Variants in PTPRN2 observed in about 807,000 individuals in gnomAD.
The protein encoded by PTPRN2 is receptor-type tyrosine-protein phosphatase N2.
PTPRN2 carries 74 observed loss-of-function variants against 118.8 expected under a neutral mutation model. The ratio of observed to expected loss-of-function variants is 0.62; its 90% confidence interval spans 0.52 to 0.76. PTPRN2 has a LOEUF of 0.76. Among genes scored for constraint, PTPRN2 ranks in the 30% least tolerant of loss-of-function variants. The pLI is 0.00. For synonymous variants in PTPRN2, 641 were observed against 608.0 expected (o/e 1.05, Z -0.80); for missense variants, 1,481 against 1,394.4 (o/e 1.06, Z -0.99).
In PTPRN2 at chr7:157,829,724, C is replaced by T. The variant is rs571669529; in HGVS notation, c.1788+68949G>A. On this transcript the variant is annotated intron_variant, in intron 12 of 22. Transcript: ENST00000389418. ...CCAAGTGGCTGCCCCAGCACCACCCCGTCCAGAGGGCCGGGAGAGCAGCCG... is the reference window on the plus strand; with the variant it reads ...CCAAGTGGCTGCCCCAGCACCACCCTGTCCAGAGGGCCGGGAGAGCAGCCG... Among the ~76,000 whole-genome samples, 185 of 152,302 alleles carry T rather than the reference C, an allele frequency of 1.2e-3. 1 individual carries two copies. The highest frequency in any genetic ancestry group is 4.2e-3 in the African/African-American group (176 of 41,564).
chr7:158,416,474 GC>G (rs1814664835), intron 2 of PTPRN2, among the ~76,000 whole-genome samples: 1 of 152,254 alleles, frequency 6.6e-6, no homozygotes. Flanking sequence ...ATTGGTGGCT[GC>G]ATGGGGATTG....
At chr7:158,162,077 G>A (rs1436867811) in intron 6 of PTPRN2, among the ~76,000 whole-genome samples, 3 of 152,106 alleles carry the variant, frequency 2.0e-5, no homozygotes, top group African/African-American at 7.2e-5. Context: ...CCAGAACATT[G>A]ACAACACCCA....
intron 9 of PTPRN2, among the ~76,000 whole-genome samples, chr7:158,126,806 G>A (rs765312312): frequency 6.6e-6 from 1 of 152,184 alleles, no homozygotes; most frequent in Non-Finnish European, 1.5e-5. Flanking sequence ...CAGGGCCAGG[G>A]CACTCACTGA....
In PTPRN2 at chr7:158,471,871, C is replaced by T. The variant is rs1323464691; in HGVS notation, c.163+17864G>A. ...CCCAGGGCCCCTCTCAGGCTGGGTG[C>T]GTGTCTGTTGCCCGTTCTGTCGGCT... On this transcript the variant is annotated intron_variant, in intron 2 of 22. Coordinates refer to ENST00000389418, the MANE Select transcript of PTPRN2 (RefSeq NM_002847.5). Among the ~76,000 whole-genome samples the T allele has an allele frequency of 2.6e-5, 4 of 152,236 alleles. No homozygotes were observed. The East Asian group carries it at 5.8e-4, about 22-fold the overall frequency.
intron 2 of PTPRN2, among the ~76,000 whole-genome samples, chr7:158,392,675 C>G (rs896736491): frequency 1.3e-5 from 2 of 152,116 alleles, no homozygotes; most frequent in African/African-American, 4.8e-5. Flanking sequence ...TCACCAACTG[C>G]GAAGACACAA....
intron 3 of PTPRN2, among the ~76,000 whole-genome samples, chr7:158,278,459 C>T (rs909674950): frequency 3.3e-5 from 5 of 152,150 alleles, no homozygotes; most frequent in Admixed American, 6.5e-5. Flanking sequence ...TGGGAGGCTG[C>T]AGCAGGAGAA....
chr7:158,368,245 C>T (rs933008700), intron 2 of PTPRN2, among the ~76,000 whole-genome samples: 1 of 152,204 alleles, frequency 6.6e-6, no homozygotes, highest in Non-Finnish European at 1.5e-5. Context: ...CTGAACCCAA[C>T]TGGAACATCC....
chr7:158,268,992 T>C (rs906250595), intron 3 of PTPRN2, among the ~76,000 whole-genome samples: 1 of 152,082 alleles, frequency 6.6e-6, no homozygotes, highest in Non-Finnish European at 1.5e-5. Flanking sequence ...GGCCTGAAAA[T>C]CGCAGCTTTT....
intron 6 of PTPRN2, among the ~76,000 whole-genome samples, chr7:158,145,644 T>C (rs1309693106): frequency 6.6e-6 from 1 of 152,252 alleles, no homozygotes; most frequent in African/African-American, 2.4e-5. Context: ...CTGCCAGTAC[T>C]GAACCAACAG....
At chr7:158,461,495 C>A (rs372498550) in intron 2 of PTPRN2, among the ~76,000 whole-genome samples, 294 of 133,588 alleles carry the variant, frequency 2.2e-3, no homozygotes, top group South Asian at 3.0e-3. Context: ...GACTCCGTCT[C>A]AAAAAAAAAA....
intron 2 of PTPRN2, among the ~76,000 whole-genome samples, chr7:158,413,946 C>T (rs542030361): frequency 6.6e-6 from 1 of 152,118 alleles, no homozygotes; most frequent in East Asian, 1.9e-4. Flanking sequence ...TCGAGACAAG[C>T]CTGGTCAACA....
chr7:158,101,688 G>A (rs1222296597), intron 10 of PTPRN2, among the ~76,000 whole-genome samples: 1 of 152,160 alleles, frequency 6.6e-6, no homozygotes, highest in African/African-American at 2.4e-5. Context: ...TGAAAGCCAT[G>A]GAGACTTTAA....
chr7:158,118,625 T>C lies in PTPRN2; in HGVS notation c.1557-7710A>G, dbSNP rs149760671. Among the ~76,000 whole-genome samples, 644 of 152,290 alleles carry C rather than the reference T, an allele frequency of 4.2e-3. 6 individuals are homozygous for C. Among genetic ancestry groups the C allele is most frequent in the African/African-American group, 0.014 (567 of 41,566 alleles). On this transcript the variant is annotated intron_variant, in intron 9 of 22. Transcript: ENST00000389418. Reference sequence around the variant, plus strand: ...TTAGCAAAATATGATATTCCACAGATCTTTTAAGGACTATTTCTATAGTAC... The same window carrying C: ...TTAGCAAAATATGATATTCCACAGACCTTTTAAGGACTATTTCTATAGTAC...
intron 11 of PTPRN2, among the ~76,000 whole-genome samples, chr7:158,027,130 C>T (rs1035878330): frequency 7.2e-5 from 11 of 152,164 alleles, no homozygotes; most frequent in Non-Finnish European, 1.3e-4. Context: ...CAGGCAGAGC[C>T]GGCCCCTGTG....
rs1798371683 is a variant in PTPRN2, at chr7:157,707,108, TGGGAATCTATAGATTCA to T, written c.1789-24188_1789-24172del. 2.0e-5 allele frequency among the ~76,000 whole-genome samples: 3 copies of T among 152,350 alleles called. No homozygotes were observed. In the South Asian group the frequency reaches 6.2e-4, roughly 32 times the overall value. ...ACATATTTTCTGATACGCAGGTACCTGGGAATCTATAGATTCAGGTTTAGTGCTGTGGGTTGTCCTTT... is the reference window on the plus strand; with the variant it reads ...ACATATTTTCTGATACGCAGGTACCTGGTTTAGTGCTGTGGGTTGTCCTTT... On this transcript the variant is annotated intron_variant, in intron 12 of 22. Transcript: ENST00000389418.
intron 19 of PTPRN2, among the ~76,000 whole-genome samples, chr7:157,573,422 C>T (rs1179154783): frequency 1.3e-5 from 2 of 152,248 alleles, no homozygotes; most frequent in African/African-American, 4.8e-5. Context: ...CTGTGTTTCA[C>T]ACCTCGTGGT....
In PTPRN2 at chr7:157,965,957, A is replaced by C. The variant is rs372844380; in HGVS notation, c.1724-67220T>G. ...CCCAGCACTTTGACCAGCACCGTGG[A>C]ATCAGCTTCCCAAAGCATGCATGGG... On this transcript the variant is annotated intron_variant, in intron 11 of 22. Transcript: ENST00000389418. 3.3e-5 allele frequency among the ~76,000 whole-genome samples: 5 copies of C among 152,210 alleles called. 1 individual carries two copies. In the East Asian group the frequency reaches 7.7e-4, roughly 23 times the overall value.
chr7:157,990,512 GTCCCCGCCCTGCACCCACC>G lies in PTPRN2; in HGVS notation c.1723+90767_1723+90785del, dbSNP rs1804168263. ...ACACTCCATGCCACCATGCCCAACG[GTCCCCGCCCTGCACCCACC>G]TCTGGCAAGTTCTGGGCAGGGGGAG... On this transcript the variant is annotated intron_variant, in intron 11 of 22. Coordinates refer to ENST00000389418, the MANE Select transcript of PTPRN2 (RefSeq NM_002847.5). The surrounding 1 kb of genome is among the most constrained non-coding windows in gnomAD (Gnocchi z 4.3). 6.6e-6 allele frequency among the ~76,000 whole-genome samples: 1 copy of G among 152,006 alleles called. No individual in the cohort carries two copies.
rs1429067220 is a variant in PTPRN2 at position 157,560,533 on chromosome 7, G to A, written c.2902+8369C>T. On this transcript the variant is annotated intron_variant, in intron 21 of 22. Transcript: ENST00000389418. The surrounding 1 kb of genome is among the most constrained non-coding windows in gnomAD (Gnocchi z 6.7). ...TACACGGGACAGGGCACTGCAGACC[G>A]GCCCGGGAACCTGGGGACACCTCAC... 1.3e-5 allele frequency among the ~76,000 whole-genome samples: 2 copies of A among 152,164 alleles called. No individual in the cohort carries two copies. Among genetic ancestry groups the A allele is most frequent in the South Asian group, 2.1e-4 (1 of 4,830 alleles).
Sources: gnomAD v4.1 joint callset for allele counts (sites outside exome capture counted in the v4.1 genomes callset) on GRCh38, gnomAD v4.1.1 for gene constraint, Gnocchi (gnomAD v3.1) non-coding constraint, MANE v1.5 for transcripts, NCBI Gene and HGNC (gene_info 2026-07-23, HGNC 2026-07-21) for gene names.